The following CASP5 variants were observed in gnomAD, a reference collection of about 807,000 sequenced individuals.
CASP5 encodes caspase-5.
CASP5 carries 42 observed loss-of-function variants against 45.2 expected under a neutral mutation model. The ratio of observed to expected loss-of-function variants is 0.93; its 90% CI spans 0.73 to 1.20. The LOEUF (loss-of-function observed/expected upper bound fraction) is 1.20. Among genes scored for constraint, CASP5 ranks in the 50% most tolerant of loss-of-function variants. CASP5 has a pLI of 0.00. For missense variants in CASP5, 512 were observed against 532.2 expected (o/e 0.96, Z 0.37); for synonymous variants, 209 against 186.2 (o/e 1.12, Z -1.00).
At chr11:105,003,470 A>AGAG in intron 3 of CASP5, 87 bp from the exon 4 acceptor site, 1 of 696,602 alleles carries the variant, frequency 1.4e-6, no homozygotes, top group Non-Finnish European at 2.4e-6. Flanking sequence ...AGAGAGAGAG[A>AGAG]AATCCTAGGA....
At chr11:105,000,825 C>T (rs150713276) in intron 5 of CASP5, among the ~76,000 whole-genome samples, 102 of 152,178 alleles carry the variant, frequency 6.7e-4, no homozygotes, top group African/African-American at 2.3e-3. Flanking sequence ...GTGTTATAAA[C>T]GCATCACACC....
chr11:105,000,490 C>T lies in CASP5; in HGVS notation c.723G>A (p.Met241Ile). ...CAGCAAATGCCCTCAGCACTGACTCCATATCCTATAAAAGAGCAATGTCTA... is the reference window on the plus strand; with the variant it reads ...CAGCAAATGCCCTCAGCACTGACTCTATATCCTATAAAAGAGCAATGTCTA... Reference protein sequence around the residue: ...VDEKNLTARDMESVLRAFAAR... With the variant: ...VDEKNLTARDIESVLRAFAAR... Residue 241 changes from methionine to isoleucine, a missense_variant, in exon 6 of 10, where the codon ATG (methionine) becomes ATA (isoleucine). Physicochemically the swap from Met to Ile is conservative, Grantham distance 10. Coordinates refer to ENST00000260315, the MANE Select transcript of CASP5 (RefSeq NM_004347.5). 6.2e-7 allele frequency: 1 copy of T among 1,613,958 alleles called. No homozygotes were observed. Among genetic ancestry groups the T allele is most frequent in the Non-Finnish European group, 8.5e-7 (1 of 1,179,872 alleles).
At chr11:105,010,228 G>A (rs949713361) in intron 1 of CASP5, among the ~76,000 whole-genome samples, 1 of 150,784 alleles carries the variant, frequency 6.6e-6, no homozygotes, top group African/African-American at 2.4e-5. Flanking sequence ...AAGACACATG[G>A]AAGTTACAAA....
intron 7 of CASP5, among the ~76,000 whole-genome samples, chr11:104,997,929 C>T (rs1861539674): frequency 6.6e-6 from 1 of 152,018 alleles, no homozygotes; most frequent in Non-Finnish European, 1.5e-5. Flanking sequence ...ATGTCTTTCA[C>T]CATAAAATAA....
chr11:105,013,768 A>G (rs184252259), intron 1 of CASP5, among the ~76,000 whole-genome samples: 6 of 152,180 alleles, frequency 3.9e-5, no homozygotes, highest in Non-Finnish European at 5.9e-5. Context: ...TTTAAAATTG[A>G]ACTGCTAATT....
At chr11:105,001,280 G>A (rs2134700359) in intron 5 of CASP5, among the ~76,000 whole-genome samples, 1 of 152,268 alleles carries the variant, frequency 6.6e-6, no homozygotes, top group South Asian at 2.1e-4. Context: ...CTAGATCCTT[G>A]CAATTTGAAA....
At chr11:105,017,083 T>C (rs2134753877) in intron 1 of CASP5, among the ~76,000 whole-genome samples, 1 of 151,796 alleles carries the variant, frequency 6.6e-6, no homozygotes, top group East Asian at 1.9e-4. Flanking sequence ...CCAACAGACC[T>C]GCAGCTGAGG....
chr11:104,997,027 C>T (rs954200140), intron 8 of CASP5, among the ~76,000 whole-genome samples: 7 of 152,278 alleles, frequency 4.6e-5, no homozygotes, highest in Middle Eastern at 3.4e-3. Flanking sequence ...CCATGCAAGC[C>T]TCATTTACCC....
At chr11:105,009,096 T>C in intron 1 of CASP5, 116 bp from the exon 2 acceptor site, 1 of 837,756 alleles carries the variant, frequency 1.2e-6, no homozygotes, top group Non-Finnish European at 1.9e-6. Flanking sequence ...TGTCTTACCA[T>C]GTCTTCAACA....
chr11:105,008,846 G>A lies in CASP5; in HGVS notation c.142C>T (p.Leu48=). The change falls in exon 2 of 10, where the codon CTA becomes TTA. Residue 48 remains leucine (L), a synonymous_variant. Coordinates refer to ENST00000260315, the MANE Select transcript of CASP5 (RefSeq NM_004347.5). ...GACTTTTGATCCGTATTAGGTACTA[G>A]GGTCTGGATAGATGTTTGTCCAGCC... ...NVAGQTSIQT[L]VPNTDQKSTS... is the part of the protein sequence containing the mutation. The A allele has an allele frequency of 1.2e-6, 2 of 1,613,064 alleles. No homozygotes were observed. Among genetic ancestry groups the A allele is most frequent in the Middle Eastern group, 1.7e-4 (1 of 6,040 alleles).
At chr11:105,015,456 A>G (rs1865508639) in intron 1 of CASP5, among the ~76,000 whole-genome samples, 2 of 152,240 alleles carry the variant, frequency 1.3e-5, no homozygotes, top group Admixed American at 1.3e-4. Flanking sequence ...AAATTCATCA[A>G]GAGCAGTTTT....
intron 1 of CASP5, among the ~76,000 whole-genome samples, chr11:105,016,241 T>G (rs927637795): frequency 2.0e-5 from 3 of 152,184 alleles, no homozygotes; most frequent in Non-Finnish European, 2.9e-5. Flanking sequence ...TGTTAAAGAT[T>G]GAGCTATTCA....
At chr11:105,011,530 T>A (rs1862343494) in intron 1 of CASP5, among the ~76,000 whole-genome samples, 1 of 151,710 alleles carries the variant, frequency 6.6e-6, no homozygotes, top group Non-Finnish European at 1.5e-5. Context: ...AATGACATGA[T>A]CTTACATATA....
intron 1 of CASP5, among the ~76,000 whole-genome samples, chr11:105,015,002 A>G (rs1862518531): frequency 1.3e-5 from 2 of 152,200 alleles, no homozygotes. Flanking sequence ...GTGGGAAGAA[A>G]CACAAAGATT....
intron 1 of CASP5, among the ~76,000 whole-genome samples, chr11:105,018,367 G>C (rs1862749412): frequency 1.3e-5 from 2 of 152,054 alleles, no homozygotes; most frequent in South Asian, 4.1e-4. Context: ...CTGGCAAATT[G>C]GATAGAGTCA....
intron 1 of CASP5, among the ~76,000 whole-genome samples, chr11:105,017,066 G>T (rs1451545598): frequency 6.6e-6 from 1 of 151,572 alleles, no homozygotes; most frequent in South Asian, 2.1e-4. Flanking sequence ...TCACACGGCC[G>T]GGTACTCCAA....
At chr11:105,018,533 C>A (rs1299690793) in intron 1 of CASP5, among the ~76,000 whole-genome samples, 31 of 146,730 alleles carry the variant, frequency 2.1e-4, no homozygotes, top group African/African-American at 6.7e-4. Context: ...GACTTTAAAC[C>A]AACAAAGATC....
chr11:105,010,414 T>C (rs949774287), intron 1 of CASP5, among the ~76,000 whole-genome samples: 3 of 147,000 alleles, frequency 2.0e-5, no homozygotes, highest in African/African-American at 4.9e-5. Flanking sequence ...ATTATCATTA[T>C]TATTATACTC....
At chr11:105,007,655 G>A (rs1271511314) in intron 2 of CASP5, among the ~76,000 whole-genome samples, 4 of 152,146 alleles carry the variant, frequency 2.6e-5, no homozygotes, top group Admixed American at 1.3e-4. Context: ...CACAGCTCAT[G>A]ATGATGATAA....
Sources: gnomAD v4.1 joint callset for allele counts (sites outside exome capture counted in the v4.1 genomes callset) on GRCh38, gnomAD v4.1.1 for gene constraint, MANE v1.5 for transcripts, NCBI Gene and HGNC (gene_info 2026-07-23, HGNC 2026-07-21) for gene names.